ANKRD34C: variants seen among roughly 807,000 people sequenced by gnomAD.
The protein encoded by ANKRD34C is ankyrin repeat domain-containing protein 34C.
For synonymous variants in ANKRD34C, 260 were observed against 253.6 expected (o/e 1.03, Z -0.24); for missense variants, 563 against 653.0 (o/e 0.86, Z 1.50).
intron 1 of ANKRD34C, among the ~76,000 whole-genome samples, chr15:79,292,890 T>C (rs1394424738): frequency 6.6e-6 from 1 of 152,266 alleles, no homozygotes; most frequent in African/African-American, 2.4e-5. Flanking sequence ...TGTAGAGTTC[T>C]ACATTTGTGA....
rs2141203827 is a variant in ANKRD34C, at chr15:79,295,028, A to G, written c.*136A>G. On this transcript the variant is annotated 3_prime_UTR_variant, in exon 2 of 2. Transcript: ENST00000421388. The stretch of plus-strand genomic sequence containing the variant: ...AAAGCAGGATGCTGCTTCACTTCTG[A>G]GAATAATCCCTGGGTTTTTATAGGC... 9.9e-7 allele frequency: 1 copy of G among 1,005,090 alleles called. No individual in the cohort carries two copies. The highest frequency in any genetic ancestry group is 1.4e-6 in the Non-Finnish European group (1 of 704,840). The allele number at this position is 1,005,090 out of a possible 1,614,324, so 62.3% of individuals were successfully genotyped here. A position where few individuals can be genotyped will look rare whatever the true frequency, so the allele number is the denominator to read the frequency against.
rs1443369162 is a variant in ANKRD34C at position 79,282,940 on chromosome 15, C to G, written c.-333C>G. On this transcript the variant is annotated 5_prime_UTR_variant, in exon 1 of 2. Coordinates refer to ENST00000421388, the MANE Select transcript of ANKRD34C (RefSeq NM_001146341.2). Reference sequence around the variant, plus strand: ...CCAAACCAAACCAAACCCAAAACTCCCCTGCTCCCACCGCAACTTGGAGGA... The same window carrying G: ...CCAAACCAAACCAAACCCAAAACTCGCCTGCTCCCACCGCAACTTGGAGGA... 6.6e-6 allele frequency among the ~76,000 whole-genome samples: 1 copy of G among 152,188 alleles called. No individual in the cohort carries two copies. Among genetic ancestry groups the G allele is most frequent in the Middle Eastern group, 3.2e-3 (1 of 316 alleles).
At position 79,297,775 on chromosome 15, in the gene ANKRD34C, G is replaced by T. The variant is rs1446166928; in HGVS notation, c.*2883G>T. 6.0e-6 allele frequency: 1 copy of T among 166,806 alleles called. No homozygotes were observed. Among genetic ancestry groups the T allele is most frequent in the Non-Finnish European group, 1.5e-5 (1 of 68,120 alleles). The allele number at this position is 166,806 out of a possible 1,614,324, so 10.3% of individuals were successfully genotyped here. ...GAATGCTTTTTAAAAGTATATTTTA[G>T]ATTCAAACATGCTTTCTAGATCAGA... On this transcript the variant is annotated 3_prime_UTR_variant, in exon 2 of 2. Coordinates refer to ENST00000421388, the MANE Select transcript of ANKRD34C (RefSeq NM_001146341.2).
At chr15:79,287,510 C>T (rs1195989109) in intron 1 of ANKRD34C, among the ~76,000 whole-genome samples, 1 of 152,110 alleles carries the variant, frequency 6.6e-6, no homozygotes, top group African/African-American at 2.4e-5. Context: ...TAACACCTAG[C>T]CTGGAGTAGA....
At chr15:79,289,043 C>T (rs2058653001) in intron 1 of ANKRD34C, among the ~76,000 whole-genome samples, 1 of 152,134 alleles carries the variant, frequency 6.6e-6, no homozygotes, top group South Asian at 2.1e-4. Context: ...TGGTCTCGAA[C>T]TCCTGACCTC....
At position 79,297,972 on chromosome 15, in the gene ANKRD34C, CT is replaced by C. The variant is rs113119652; in HGVS notation, c.*3090del. 110 of 162,390 alleles carry C rather than the reference CT, an allele frequency of 6.8e-4. No individual in the cohort carries two copies. The East Asian group carries it at 0.012, about 18-fold the overall frequency. The allele number at this position is 162,390 out of a possible 1,614,324, so 10.1% of individuals were successfully genotyped here. On this transcript the variant is annotated 3_prime_UTR_variant, in exon 2 of 2. Transcript: ENST00000421388. ...GGTTTAATTTCTAGACTTTCCAAAG[CT>C]TTTTTTTTTCTTTTTAAAAAGCCCA...
Position 79,295,648 on chromosome 15 carries a change from C to A in ANKRD34C, c.*756C>A, listed in dbSNP as rs2058670574. 1 of 167,026 alleles carries A rather than the reference C, an allele frequency of 6.0e-6. No homozygotes were observed. Among genetic ancestry groups the A allele is most frequent in the Admixed American group, 6.5e-5 (1 of 15,286 alleles). The allele number at this position is 167,026 out of a possible 1,614,324, so 10.3% of individuals were successfully genotyped here. ...CTGACACAGGCTCTTGTATTGAAAT[C>A]TTGTGAAAAACAGTCAAGGTTAACT... On this transcript the variant is annotated 3_prime_UTR_variant, in exon 2 of 2. Coordinates refer to ENST00000421388, the MANE Select transcript of ANKRD34C (RefSeq NM_001146341.2).
chr15:79,293,742 C>G lies in ANKRD34C; in HGVS notation c.458C>G (p.Thr153Arg). Residue 153 changes from threonine to arginine, a missense_variant, in exon 2 of 2, where the codon ACA (threonine) becomes AGA (arginine). By Grantham distance (71) the Thr-to-Arg change is moderately conservative. Transcript: ENST00000421388. The stretch of plus-strand genomic sequence containing the variant: ...AAAGGGAAGGAGGTGATTATTATAA[C>G]AACAGATAAATCGTCTTCAGGCACC... ...KAKGKEVIII[T>R]TDKSSSGTKT... is the part of the protein sequence containing the mutation. 1 of 1,551,730 alleles carries G rather than the reference C, an allele frequency of 6.4e-7. No individual in the cohort carries two copies. The highest frequency in any genetic ancestry group is 8.7e-7 in the Non-Finnish European group (1 of 1,146,998).
rs1032091100 is a variant in ANKRD34C at position 79,297,593 on chromosome 15, C to T, written c.*2701C>T. ...AGTCAGTCATGACCTTTGCATCAGCCTTTCAATAGACAGTCATCAGGCTAG... is the reference window on the plus strand; with the variant it reads ...AGTCAGTCATGACCTTTGCATCAGCTTTTCAATAGACAGTCATCAGGCTAG... On this transcript the variant is annotated 3_prime_UTR_variant, in exon 2 of 2. Transcript: ENST00000421388. The T allele has an allele frequency of 1.4e-4, 23 of 167,062 alleles. No individual in the cohort carries two copies. Among genetic ancestry groups the T allele is most frequent in the African/African-American group, 5.3e-4 (22 of 41,440 alleles). The allele number at this position is 167,062 out of a possible 1,614,324, so 10.3% of individuals were successfully genotyped here. A position where few individuals can be genotyped will look rare whatever the true frequency, so the allele number is the denominator to read the frequency against.
intron 1 of ANKRD34C, among the ~76,000 whole-genome samples, chr15:79,288,812 C>CTTTTTTTTTTTTT (rs60075615): frequency 3.6e-5 from 2 of 55,534 alleles, no homozygotes; most frequent in Non-Finnish European, 3.2e-5. Context: ...GCCCAGTATT[C>CTTTTTTTTTTTTT]TTTTTTTTTT....
Position 79,296,404 on chromosome 15 carries a change from T to C in ANKRD34C, c.*1512T>C, listed in dbSNP as rs2058672495. 6.0e-6 allele frequency: 1 copy of C among 167,126 alleles called. No individual in the cohort carries two copies. Among genetic ancestry groups the C allele is most frequent in the African/African-American group, 2.4e-5 (1 of 41,468 alleles). 10.4% of individuals were successfully genotyped at this position (167,126 alleles called of 1,614,324 possible). On this transcript the variant is annotated 3_prime_UTR_variant, in exon 2 of 2. Transcript: ENST00000421388. ...TAGAAGTCACTGGATAAGAAGTAGC[T>C]AATTTTAATGTATTTCTTGAGACTG...
In ANKRD34C at chr15:79,286,422, G is replaced by T. The variant is rs118168636; in HGVS notation, c.-45+3194G>T. 2.3e-3 allele frequency among the ~76,000 whole-genome samples: 357 copies of T among 152,308 alleles called. 2 individuals carry two copies. The highest frequency in any genetic ancestry group is 3.9e-3 in the Non-Finnish European group (266 of 68,026). ...GATGGGATCTCAACATTCTAGGAAT[G>T]CTTCAGCTTTTTTCAATCCAGATTG... On this transcript the variant is annotated intron_variant, in intron 1 of 1. Coordinates refer to ENST00000421388, the MANE Select transcript of ANKRD34C (RefSeq NM_001146341.2).
At position 79,294,104 on chromosome 15, in the gene ANKRD34C, G is replaced by T; in HGVS notation, c.820G>T (p.Gly274Cys). Residue 274 changes from glycine to cysteine, a missense_variant, in exon 2 of 2, where the codon GGT (glycine) becomes TGT (cysteine). Physicochemically the swap from Gly to Cys is radical, Grantham distance 159 (BLOSUM62 -3). Transcript: ENST00000421388. ...CTCGACGCGTCAGGATGAGACCCAT[G>T]GTGCCAGCACAGACAACGAGGTCAT... ...AASTRQDETH[G>C]ASTDNEVIKS... is the part of the protein sequence containing the mutation. 1 of 1,551,532 alleles carries T rather than the reference G, an allele frequency of 6.4e-7. No individual in the cohort carries two copies. Among genetic ancestry groups the T allele is most frequent in the Middle Eastern group, 1.7e-4 (1 of 5,992 alleles).
chr15:79,292,842 G>A (rs774843705), intron 1 of ANKRD34C, among the ~76,000 whole-genome samples: 1 of 152,214 alleles, frequency 6.6e-6, no homozygotes, highest in Non-Finnish European at 1.5e-5. Flanking sequence ...TGAAGATACA[G>A]CAGTGAAGAA....
rs1250492136 is a variant in ANKRD34C at position 79,293,143 on chromosome 15, C to T, written c.-44-98C>T. The T allele has an allele frequency of 4.7e-6, 4 of 855,260 alleles. No individual in the cohort carries two copies. In the African/African-American group the frequency reaches 5.1e-5, roughly 11 times the overall value. 53.0% of individuals were successfully genotyped at this position (855,260 alleles called of 1,614,324 possible). ...TGGCCAAGTCAATGTAAGTTGGGAT[C>T]AGGTTGGGATATGACTGTACCCAGA... On this transcript the variant is annotated intron_variant, in intron 1 of 1. Transcript: ENST00000421388.
rs2058652772 is a variant in ANKRD34C at position 79,288,943 on chromosome 15, T to A, written c.-44-4298T>A. On this transcript the variant is annotated intron_variant, in intron 1 of 1. Coordinates refer to ENST00000421388, the MANE Select transcript of ANKRD34C (RefSeq NM_001146341.2). ...TCAAGTGATTCTCCTGCCTCAGTCT[T>A]CCGAGTAGCTGGGACTGCAAGCGTG... Among the ~76,000 whole-genome samples the A allele has an allele frequency of 2.6e-5, 4 of 151,006 alleles. No individual in the cohort carries two copies. In the South Asian group the frequency reaches 8.4e-4, roughly 32 times the overall value.
At chr15:79,284,208 G>A (rs978755084) in intron 1 of ANKRD34C, among the ~76,000 whole-genome samples, 8 of 152,174 alleles carry the variant, frequency 5.3e-5, no homozygotes, top group Admixed American at 1.3e-4. Flanking sequence ...ACTTGTCCAG[G>A]TTTATGGAAC....
At chr15:79,293,201 TA>T (rs2058663899) in intron 1 of ANKRD34C, 39 bp from the exon 2 acceptor site, 2 of 1,360,570 alleles carry the variant, frequency 1.5e-6, no homozygotes, top group South Asian at 1.5e-5. Context: ...AGATCTGTTA[TA>T]AAACATATAA....
rs1010918804 is a variant in ANKRD34C, at chr15:79,296,780, C to G, written c.*1888C>G. On this transcript the variant is annotated 3_prime_UTR_variant, in exon 2 of 2. Coordinates refer to ENST00000421388, the MANE Select transcript of ANKRD34C (RefSeq NM_001146341.2). ...AGTAACACCCTCTCCCCAGTTGTGACAACCAAAAATGTCTCTAGACGTGGC... is the reference window on the plus strand; with the variant it reads ...AGTAACACCCTCTCCCCAGTTGTGAGAACCAAAAATGTCTCTAGACGTGGC... The G allele has an allele frequency of 1.8e-5, 3 of 167,138 alleles. No homozygotes were observed. The highest frequency in any genetic ancestry group is 7.2e-5 in the African/African-American group (3 of 41,444). The allele number at this position is 167,138 out of a possible 1,614,324, so 10.4% of individuals were successfully genotyped here.
Sources: allele counts gnomAD v4.1 joint callset (sites outside exome capture counted in the v4.1 genomes callset), GRCh38; gene constraint gnomAD v4.1.1; transcripts MANE v1.5; gene names NCBI Gene and HGNC (gene_info 2026-07-23, HGNC 2026-07-21).